Variants in ANKS1B observed in about 807,000 individuals in gnomAD.
The protein encoded by ANKS1B is ankyrin repeat and sterile alpha motif domain-containing protein 1B.
In ANKS1B, 36 loss-of-function variants were observed where a neutral mutation model predicts 148.3. The observed-to-expected ratio is 0.24, with a 90% CI of 0.19 to 0.32. The LOEUF is 0.32. Ranked by LOEUF, ANKS1B falls within the 10% of genes least tolerant of loss-of-function variation. The probability of loss-of-function intolerance (pLI) is 1.00; values close to 1 mark genes in which losing one functional copy is unlikely to be tolerated. For missense variants in ANKS1B, 1,157 were observed against 1,542.6 expected (o/e 0.75, Z 4.19); for synonymous variants, 542 against 560.8 (o/e 0.97, Z 0.47).
chr12:99,273,187 C>A (rs553942097), intron 12 of ANKS1B, among the ~76,000 whole-genome samples: 41 of 152,234 alleles, frequency 2.7e-4, no homozygotes, highest in African/African-American at 8.9e-4. Context: ...TGTTTCCTCC[C>A]TCTGAATGAT....
intron 8 of ANKS1B, among the ~76,000 whole-genome samples, chr12:99,700,273 A>G (rs2054593656): frequency 6.6e-6 from 1 of 152,126 alleles, no homozygotes; most frequent in South Asian, 2.1e-4. Flanking sequence ...AAGCCCTGAT[A>G]TTTCTGGTAT....
chr12:99,719,631 A>G (rs2057855873), intron 8 of ANKS1B, among the ~76,000 whole-genome samples: 1 of 152,144 alleles, frequency 6.6e-6, no homozygotes, highest in Non-Finnish European at 1.5e-5. Flanking sequence ...ACTCTTGCAA[A>G]AGCACTAAAA....
chr12:98,869,838 A>G (rs983086739), intron 17 of ANKS1B, among the ~76,000 whole-genome samples: 4 of 152,202 alleles, frequency 2.6e-5, no homozygotes, highest in Admixed American at 2.0e-4. Context: ...GAAAACATGA[A>G]AAACAAACTT....
intron 9 of ANKS1B, among the ~76,000 whole-genome samples, chr12:99,574,317 G>A (rs991026523): frequency 1.3e-5 from 2 of 151,814 alleles, no homozygotes; most frequent in African/African-American, 4.8e-5. Flanking sequence ...TTTTTTCTGG[G>A]AAACCTAAGC....
chr12:99,880,561 A>C (rs1447986420), intron 1 of ANKS1B, among the ~76,000 whole-genome samples: 1 of 152,196 alleles, frequency 6.6e-6, no homozygotes, highest in Non-Finnish European at 1.5e-5. Context: ...GGACCAAATT[A>C]TTTCTCCATT....
chr12:98,973,062 C>T lies in ANKS1B; in HGVS notation c.2778+80095G>A, dbSNP rs187886050. 5.8e-3 allele frequency among the ~76,000 whole-genome samples: 876 copies of T among 152,218 alleles called. 3 individuals are homozygous for T. The highest frequency in any genetic ancestry group is 0.017 in the South Asian group (83 of 4,830). ...AACATGGACATCTGTATAAAATACC[C>T]AAGACCTTCATAGAGCAAAAGTGAG... On this transcript the variant is annotated intron_variant, in intron 17 of 26. Transcript: ENST00000683438.
At chr12:99,280,934 C>T (rs1309886053) in intron 12 of ANKS1B, among the ~76,000 whole-genome samples, 3 of 151,810 alleles carry the variant, frequency 2.0e-5, no homozygotes, top group African/African-American at 7.3e-5. Context: ...CACATACACA[C>T]ACACACACAC....
intron 8 of ANKS1B, among the ~76,000 whole-genome samples, chr12:99,697,826 G>A (rs1323021429): frequency 6.6e-6 from 1 of 152,224 alleles, no homozygotes; most frequent in East Asian, 1.9e-4. Flanking sequence ...AGGAGAAATG[G>A]GAGAGGTAGC....
intron 1 of ANKS1B, among the ~76,000 whole-genome samples, chr12:99,943,758 G>A (rs1248907666): frequency 1.3e-5 from 2 of 152,066 alleles, no homozygotes; most frequent in African/African-American, 4.8e-5. Flanking sequence ...TGGGGACACA[G>A]CTGAAACATA....
intron 2 of ANKS1B, among the ~76,000 whole-genome samples, chr12:99,815,337 A>G (rs2153670677): frequency 6.6e-6 from 1 of 151,966 alleles, no homozygotes; most frequent in Non-Finnish European, 1.5e-5. Context: ...TCTAATATCT[A>G]AATCAGAAAA....
At chr12:99,225,772 GA>G (rs913693073) in intron 14 of ANKS1B, among the ~76,000 whole-genome samples, 15 of 152,216 alleles carry the variant, frequency 9.9e-5, no homozygotes, top group Admixed American at 3.3e-4. Context: ...GCCACAGACT[GA>G]AGGCTGCACT....
At chr12:98,859,443 A>T (rs1478804319) in intron 17 of ANKS1B, among the ~76,000 whole-genome samples, 1 of 152,216 alleles carries the variant, frequency 6.6e-6, no homozygotes, top group Non-Finnish European at 1.5e-5. Flanking sequence ...GTGCGGGGAG[A>T]TTAAAGGAAA....
chr12:99,919,772 G>T (rs2094292635), intron 1 of ANKS1B, among the ~76,000 whole-genome samples: 1 of 89,290 alleles, frequency 1.1e-5, no homozygotes, highest in Non-Finnish European at 2.4e-5. Flanking sequence ...GAAATGTGCT[G>T]CAGAGTTAAA....
intron 1 of ANKS1B, among the ~76,000 whole-genome samples, chr12:99,847,628 G>A (rs369507896): frequency 8.5e-4 from 129 of 152,198 alleles, no homozygotes; most frequent in African/African-American, 3.0e-3. Flanking sequence ...CTATGTGGCC[G>A]TCCATTCTCA....
chr12:99,024,249 T>C (rs2099947465), intron 17 of ANKS1B, among the ~76,000 whole-genome samples: 1 of 152,212 alleles, frequency 6.6e-6, no homozygotes, highest in South Asian at 2.1e-4. Flanking sequence ...GAACATTATG[T>C]ATTTTTAAAG....
intron 8 of ANKS1B, among the ~76,000 whole-genome samples, chr12:99,680,229 C>T (rs1376823453): frequency 6.6e-6 from 1 of 152,102 alleles, no homozygotes; most frequent in Non-Finnish European, 1.5e-5. Context: ...TCACTCGAGG[C>T]CAAAAGTTCA....
chr12:99,578,411 T>G (rs1178129982), intron 9 of ANKS1B, among the ~76,000 whole-genome samples: 2 of 152,088 alleles, frequency 1.3e-5, no homozygotes, highest in Non-Finnish European at 2.9e-5. Flanking sequence ...GGAGAGGAAG[T>G]CAAACTATTT....
At chr12:99,895,449 G>A (rs34166947) in intron 1 of ANKS1B, among the ~76,000 whole-genome samples, 10 of 150,312 alleles carry the variant, frequency 6.7e-5, no homozygotes, top group African/African-American at 1.7e-4. Flanking sequence ...GTGTCCTTTC[G>A]ATTCTATTTC....
chr12:99,539,750 T>C (rs1486975025), intron 9 of ANKS1B, among the ~76,000 whole-genome samples: 2 of 152,136 alleles, frequency 1.3e-5, no homozygotes, highest in African/African-American at 4.8e-5. Context: ...TTTTGTTTTC[T>C]TATAGACAGG....
Sources: gnomAD v4.1 joint callset for allele counts (sites outside exome capture counted in the v4.1 genomes callset) on GRCh38, gnomAD v4.1.1 for gene constraint, MANE v1.5 for transcripts, NCBI Gene and HGNC (gene_info 2026-07-23, HGNC 2026-07-21) for gene names.